Variants in DIRAS2 observed in about 807,000 individuals in gnomAD.
The protein encoded by DIRAS2 is GTP-binding protein Di-Ras2.
DIRAS2 carries 5 observed loss-of-function variants against 13.9 expected under a neutral mutation model. That is an observed-to-expected ratio of 0.36 (90% CI 0.19 to 0.76). DIRAS2 has a LOEUF of 0.76. Among genes scored for constraint, DIRAS2 ranks in the 30% least tolerant of loss-of-function variants. The probability of loss-of-function intolerance (pLI) is 0.53; values close to 1 mark genes in which losing one functional copy is unlikely to be tolerated. For synonymous variants in DIRAS2, 111 were observed against 105.4 expected, an observed-to-expected ratio of 1.05 and a Z score of -0.33; for missense variants, 191 against 263.0, an observed-to-expected ratio of 0.73 and a Z score of 1.89.
chr9:90,635,833 A>G (rs919782324), intron 1 of DIRAS2, among the ~76,000 whole-genome samples: 1 of 152,178 alleles, frequency 6.6e-6, no homozygotes, highest in African/African-American at 2.4e-5. Context: ...TAAAAGACTC[A>G]CAGTTTCTAA....
At chr9:90,629,303 C>G (rs914310104) in intron 1 of DIRAS2, among the ~76,000 whole-genome samples, 2 of 152,104 alleles carry the variant, frequency 1.3e-5, no homozygotes, top group African/African-American at 4.8e-5. Context: ...AGTTTAATAA[C>G]ACATAATGCT....
chr9:90,634,363 T>G (rs948208369), intron 1 of DIRAS2, among the ~76,000 whole-genome samples: 8 of 152,166 alleles, frequency 5.3e-5, no homozygotes, highest in African/African-American at 1.7e-4. Flanking sequence ...TTTATTTGCG[T>G]CTGCTCCATG....
In DIRAS2 at chr9:90,613,801, C is replaced by G. The variant is rs759977324; in HGVS notation, c.27G>C (p.Arg9=). 1.2e-6 allele frequency: 2 copies of G among 1,613,612 alleles called. No homozygotes were observed. Among genetic ancestry groups the G allele is most frequent in the Non-Finnish European group, 1.7e-6 (2 of 1,179,720 alleles). Residue 9 remains arginine (R), a synonymous_variant, in exon 2 of 2, where the codon CGG becomes CGC. Coordinates refer to ENST00000375765, the MANE Select transcript of DIRAS2 (RefSeq NM_017594.5). This position sits in a 1 kb window ranked among gnomAD's most constrained non-coding sequence, Gnocchi z 5.6. ...CACCGCCAGCCCCAAACACGGCCAC[C>G]CGGTAATCGTTACTCTGCTCAGGCA... is the stretch of plus-strand genomic sequence containing the variant. The part of the protein sequence containing the change: MPEQSNDY[R]VAVFGAGGVG...
intron 1 of DIRAS2, among the ~76,000 whole-genome samples, chr9:90,622,327 T>A (rs758567016): frequency 6.6e-5 from 10 of 152,220 alleles, no homozygotes; most frequent in Non-Finnish European, 1.2e-4. Context: ...AATAGGATTC[T>A]GTAACTATTT....
At position 90,624,282 on chromosome 9, in the gene DIRAS2, C is replaced by A. The variant is rs969147096; in HGVS notation, c.-36-10419G>T. 5.3e-5 allele frequency among the ~76,000 whole-genome samples: 8 copies of A among 152,264 alleles called. No homozygotes were observed. The East Asian group carries it at 9.6e-4, about 18-fold the overall frequency. On this transcript the variant is annotated intron_variant, in intron 1 of 1. Coordinates refer to ENST00000375765, the MANE Select transcript of DIRAS2 (RefSeq NM_017594.5). ...AATAAATGTTTACTTTATATTCCTT[C>A]TTAGCTCAATCTAAAAAATGATAGA...
At chr9:90,625,009 G>A (rs1310335971) in intron 1 of DIRAS2, among the ~76,000 whole-genome samples, 1 of 152,148 alleles carries the variant, frequency 6.6e-6, no homozygotes, top group Non-Finnish European at 1.5e-5. Context: ...TGTGAGTAAG[G>A]AAAACAAAAA....
In DIRAS2 at chr9:90,612,462, G is replaced by A. The variant is rs1489830026; in HGVS notation, c.*766C>T. ...AAATCACATTTCTAAAACCCTCGAT[G>A]TATAACACACAGGAACATTATTGCG... On this transcript the variant is annotated 3_prime_UTR_variant, in exon 2 of 2. Coordinates refer to ENST00000375765, the MANE Select transcript of DIRAS2 (RefSeq NM_017594.5). The A allele has an allele frequency of 6.6e-6, 1 of 152,322 alleles. No individual in the cohort carries two copies. 9.4% of individuals were successfully genotyped at this position (152,322 alleles called of 1,614,324 possible).
intron 1 of DIRAS2, among the ~76,000 whole-genome samples, chr9:90,628,129 T>G (rs1298906065): frequency 6.6e-6 from 1 of 152,154 alleles, no homozygotes; most frequent in Non-Finnish European, 1.5e-5. Flanking sequence ...ATGCACACCT[T>G]CATGCTGGCC....
intron 1 of DIRAS2, among the ~76,000 whole-genome samples, chr9:90,632,972 A>G (rs893572906): frequency 2.6e-5 from 4 of 152,190 alleles, no homozygotes; most frequent in African/African-American, 9.7e-5. Context: ...TCTCTGTTGT[A>G]GACGGATTAG....
chr9:90,613,569 A>G lies in DIRAS2; in HGVS notation c.259T>C (p.Ser87Pro). The change falls in exon 2 of 2, where the codon TCC (serine) becomes CCC (proline). Residue 87 changes from serine (S) to proline (P), a missense_variant. By Grantham distance (74) the Ser-to-Pro change is moderately conservative (BLOSUM62 -1). Coordinates refer to ENST00000375765, the MANE Select transcript of DIRAS2 (RefSeq NM_017594.5). This position sits in a 1 kb window ranked among gnomAD's most constrained non-coding sequence, Gnocchi z 5.6. ...TCCAAGGACTGTCGGCTGGTAATGG[A>G]GTACACCAGGATGAAGGCGTGCCCT... ...SKGHAFILVY[S>P]ITSRQSLEEL... The G allele has an allele frequency of 6.2e-7, 1 of 1,614,098 alleles. No individual in the cohort carries two copies. The highest frequency in any genetic ancestry group is 8.5e-7 in the Non-Finnish European group (1 of 1,180,026).
At chr9:90,626,410 A>G (rs1279094104) in intron 1 of DIRAS2, among the ~76,000 whole-genome samples, 1 of 150,872 alleles carries the variant, frequency 6.6e-6, no homozygotes, top group African/African-American at 2.4e-5. Context: ...GTTCGTGTCC[A>G]GCCTGGGCAC....
intron 1 of DIRAS2, among the ~76,000 whole-genome samples, chr9:90,628,859 A>AC (rs1264677163): frequency 7.9e-6 from 1 of 125,798 alleles, no homozygotes; most frequent in Admixed American, 7.9e-5. Context: ...AAAATATATT[A>AC]CTTTTTTTTT....
chr9:90,610,740 ACG>A lies in DIRAS2; in HGVS notation c.*2486_*2487del, dbSNP rs1587716848. The stretch of plus-strand genomic sequence containing the variant: ...ATATCCTCAGTTCAGCTCATAGAAA[ACG>A]ATCTCAAAATGAAGACCCATAATTG... On this transcript the variant is annotated 3_prime_UTR_variant, in exon 2 of 2. Transcript: ENST00000375765. 6 of 268,054 alleles carry A rather than the reference ACG, an allele frequency of 2.2e-5. No homozygotes were observed. Among genetic ancestry groups the A allele is most frequent in the Non-Finnish European group, 4.1e-5 (6 of 144,906 alleles). The allele number at this position is 268,054 out of a possible 1,614,324, so 16.6% of individuals were successfully genotyped here.
intron 1 of DIRAS2, among the ~76,000 whole-genome samples, chr9:90,626,929 C>A (rs1825274872): frequency 6.6e-6 from 1 of 152,110 alleles, no homozygotes; most frequent in African/African-American, 2.4e-5. Context: ...GGATATTTGT[C>A]CCTGCCCACA....
At chr9:90,636,292 C>G (rs1422197814) in intron 1 of DIRAS2, among the ~76,000 whole-genome samples, 2 of 151,946 alleles carry the variant, frequency 1.3e-5, no homozygotes, top group African/African-American at 4.8e-5. Context: ...CCCGCCTTGG[C>G]CTCCCAAAGT....
chr9:90,617,084 A>G (rs1450531445), intron 1 of DIRAS2, among the ~76,000 whole-genome samples: 4 of 152,226 alleles, frequency 2.6e-5, no homozygotes, highest in African/African-American at 4.8e-5. Flanking sequence ...GAAGGAATAA[A>G]TGGAGGAAAT....
At chr9:90,615,427 G>A (rs1265879798) in intron 1 of DIRAS2, among the ~76,000 whole-genome samples, 1 of 152,192 alleles carries the variant, frequency 6.6e-6, no homozygotes, top group Non-Finnish European at 1.5e-5. Context: ...AACACCAAAA[G>A]ATGGCAGAAG....
At chr9:90,626,863 T>C (rs1825274495) in intron 1 of DIRAS2, among the ~76,000 whole-genome samples, 1 of 152,132 alleles carries the variant, frequency 6.6e-6, no homozygotes, top group African/African-American at 2.4e-5. Flanking sequence ...CAAATGTCCA[T>C]AGAAAAGATG....
rs761066904 is a variant in DIRAS2 at position 90,613,824 on chromosome 9, G to A, written c.4C>T (p.Pro2Ser). ...ACCCGGTAATCGTTACTCTGCTCAG[G>A]CATGTTGCTGGAGAGCTCCAACTCT... is the stretch of plus-strand genomic sequence containing the variant. M[P>S]EQSNDYRVAV... is the part of the protein sequence containing the mutation. Residue 2 changes from proline to serine, a missense_variant, in exon 2 of 2, where the codon CCT becomes TCT. Pro to Ser is a moderately conservative substitution (Grantham distance 74, BLOSUM62 -1). Coordinates refer to ENST00000375765, the MANE Select transcript of DIRAS2 (RefSeq NM_017594.5). The surrounding 1 kb of genome is among the most constrained non-coding windows in gnomAD (Gnocchi z 5.6). 1 of 1,610,830 alleles carries A rather than the reference G, an allele frequency of 6.2e-7. No homozygotes were observed. The highest frequency in any genetic ancestry group is 8.5e-7 in the Non-Finnish European group (1 of 1,177,956).
Sources: gnomAD v4.1 joint callset for allele counts (sites outside exome capture counted in the v4.1 genomes callset) on GRCh38, gnomAD v4.1.1 for gene constraint, Gnocchi (gnomAD v3.1) non-coding constraint, MANE v1.5 for transcripts, NCBI Gene and HGNC (gene_info 2026-07-23, HGNC 2026-07-21) for gene names.